The following SGCZ variants were observed in gnomAD, a reference collection of about 807,000 sequenced individuals.
SGCZ encodes the protein sarcoglycan zeta.
Under a neutral mutation model 41.3 loss-of-function variants are expected in SGCZ, and 40 were observed. The observed-to-expected ratio is 0.97, with a 90% confidence interval of 0.75 to 1.26. The LOEUF is 1.26. Among genes scored for constraint, SGCZ ranks in the 50% most tolerant of loss-of-function variants. The probability of loss-of-function intolerance (pLI) is 0.00; values close to 1 mark genes in which losing one functional copy is unlikely to be tolerated. For synonymous variants in SGCZ, 206 were observed against 137.5 expected (o/e 1.50, Z -3.49); for missense variants, 552 against 369.8 (o/e 1.49, Z -4.04).
chr8:14,570,876 G>C (rs1804529873), intron 1 of SGCZ, among the ~76,000 whole-genome samples: 1 of 152,008 alleles, frequency 6.6e-6, no homozygotes. Flanking sequence ...TAATATATCT[G>C]AAATGACTAG....
chr8:14,822,657 C>G (rs897868492), intron 1 of SGCZ, among the ~76,000 whole-genome samples: 1 of 151,902 alleles, frequency 6.6e-6, no homozygotes, highest in Non-Finnish European at 1.5e-5. Flanking sequence ...CAAAAGAGAG[C>G]CCAGAAACAA....
At chr8:14,248,290 T>C (rs1313022948) in intron 3 of SGCZ, among the ~76,000 whole-genome samples, 1 of 152,144 alleles carries the variant, frequency 6.6e-6, no homozygotes, top group Non-Finnish European at 1.5e-5. Flanking sequence ...AAAAAGCTTG[T>C]GAAACTTTTG....
chr8:14,424,895 T>C (rs1487475785), intron 2 of SGCZ, among the ~76,000 whole-genome samples: 1 of 152,186 alleles, frequency 6.6e-6, no homozygotes, highest in East Asian at 1.9e-4. Flanking sequence ...AATTTTAGTA[T>C]TAATATGTAT....
chr8:15,074,508 A>C (rs1314685517), intron 1 of SGCZ, among the ~76,000 whole-genome samples: 1 of 152,082 alleles, frequency 6.6e-6, no homozygotes, highest in African/African-American at 2.4e-5. Flanking sequence ...AAAGCGCCCC[A>C]TTCATAAATT....
At chr8:14,441,648 T>C (rs1800274215) in intron 2 of SGCZ, among the ~76,000 whole-genome samples, 1 of 152,178 alleles carries the variant, frequency 6.6e-6, no homozygotes, top group South Asian at 2.1e-4. Context: ...TCTCAAGGCT[T>C]TTCAGATTCA....
chr8:14,127,958 T>C (rs941719715), intron 5 of SGCZ, among the ~76,000 whole-genome samples: 1 of 152,192 alleles, frequency 6.6e-6, no homozygotes, highest in African/African-American at 2.4e-5. Context: ...GTGTCTGTTG[T>C]TTCCTTCTTT....
intron 1 of SGCZ, among the ~76,000 whole-genome samples, chr8:14,800,419 G>A (rs1055045202): frequency 1.3e-5 from 2 of 152,108 alleles, no homozygotes; most frequent in Non-Finnish European, 2.9e-5. Context: ...AAATGGAAAG[G>A]AATATTTTTT....
intron 1 of SGCZ, among the ~76,000 whole-genome samples, chr8:14,621,341 A>G (rs986654224): frequency 6.6e-6 from 1 of 151,566 alleles, no homozygotes; most frequent in Non-Finnish European, 1.5e-5. Context: ...AATGTAAATG[A>G]CAAGTTAACG....
At chr8:15,063,060 G>C (rs1585525163) in intron 1 of SGCZ, among the ~76,000 whole-genome samples, 1 of 152,044 alleles carries the variant, frequency 6.6e-6, no homozygotes, top group South Asian at 2.1e-4. Context: ...ATACATCTTT[G>C]GTTTGCCTAG....
chr8:14,527,474 A>T (rs1413424725), intron 2 of SGCZ, among the ~76,000 whole-genome samples: 8 of 152,042 alleles, frequency 5.3e-5, no homozygotes, highest in Admixed American at 3.9e-4. Context: ...GTTAATTTTT[A>T]AACTATTTTT....
At position 15,206,960 on chromosome 8, in the gene SGCZ, T is replaced by G. The variant is rs536360651; in HGVS notation, c.39+30625A>C. Among the ~76,000 whole-genome samples the G allele has an allele frequency of 3.3e-5, 5 of 152,170 alleles. No individual in the cohort carries two copies. The South Asian group carries it at 1.0e-3, about 32-fold the overall frequency. ...AAGACAAATATAATCTAATAAGGAT[T>G]TAGTAAAATAGCTTGCAGAAAAAAG... On this transcript the variant is annotated intron_variant, in intron 1 of 7. Transcript: ENST00000382080.
intron 1 of SGCZ, among the ~76,000 whole-genome samples, chr8:15,225,982 A>AC (rs1257259483): frequency 5.3e-5 from 8 of 152,258 alleles, no homozygotes; most frequent in African/African-American, 1.7e-4. Context: ...CCACATTGTA[A>AC]CCCCCATAGA....
chr8:14,861,311 T>G (rs1020773715), intron 1 of SGCZ, among the ~76,000 whole-genome samples: 1 of 152,138 alleles, frequency 6.6e-6, no homozygotes, highest in Non-Finnish European at 1.5e-5. Flanking sequence ...CTTATTTAGG[T>G]CCTTCCTGAA....
At chr8:14,811,483 G>C (rs2130538253) in intron 1 of SGCZ, among the ~76,000 whole-genome samples, 1 of 127,536 alleles carries the variant, frequency 7.8e-6, no homozygotes, top group South Asian at 2.7e-4. Flanking sequence ...TAAGTGACTT[G>C]CCTACCATGA....
At chr8:14,116,058 T>C (rs1330880383) in intron 5 of SGCZ, among the ~76,000 whole-genome samples, 1 of 152,092 alleles carries the variant, frequency 6.6e-6, no homozygotes, top group Non-Finnish European at 1.5e-5. Context: ...TCTGGTACAT[T>C]GATATCAAAG....
chr8:14,781,030 A>G (rs1260985838), intron 1 of SGCZ, among the ~76,000 whole-genome samples: 5 of 152,216 alleles, frequency 3.3e-5, no homozygotes, highest in African/African-American at 1.2e-4. Flanking sequence ...TTTTGTCATC[A>G]TTCTATAAAT....
intron 5 of SGCZ, among the ~76,000 whole-genome samples, chr8:14,153,173 G>C (rs1369274738): frequency 2.0e-5 from 3 of 152,172 alleles, no homozygotes; most frequent in Admixed American, 2.0e-4. Context: ...AAAACTAGGT[G>C]AATGTTGCAG....
chr8:14,172,975 G>A (rs907636344), intron 4 of SGCZ, among the ~76,000 whole-genome samples: 7 of 152,048 alleles, frequency 4.6e-5, no homozygotes, highest in Non-Finnish European at 1.0e-4. Context: ...CTAGATGTTG[G>A]GCTTCCAACC....
At chr8:14,170,377 T>A (rs1804341510) in intron 4 of SGCZ, among the ~76,000 whole-genome samples, 1 of 152,130 alleles carries the variant, frequency 6.6e-6, no homozygotes, top group African/African-American at 2.4e-5. Context: ...GCATAAATAT[T>A]ATATTTCTAA....
Sources: allele counts gnomAD v4.1 joint callset (sites outside exome capture counted in the v4.1 genomes callset), GRCh38; gene constraint gnomAD v4.1.1; transcripts MANE v1.5; gene names NCBI Gene and HGNC (gene_info 2026-07-23, HGNC 2026-07-21).